PRDM11: variants seen among roughly 807,000 people sequenced by gnomAD.
PRDM11 encodes PR/SET domain 11.
Under a neutral mutation model 97.8 loss-of-function variants are expected in PRDM11, and 20 were observed. The observed-to-expected ratio is 0.20, with a 90% CI of 0.14 to 0.30. The LOEUF (loss-of-function observed/expected upper bound fraction) is 0.30. Ranked by LOEUF, PRDM11 falls within the 10% of genes least tolerant of loss-of-function variation. PRDM11 has a pLI of 1.00. For missense variants in PRDM11, 1,139 were observed against 1,555.2 expected, an observed-to-expected ratio of 0.73 and a Z score of 4.50; for synonymous variants, 599 against 637.7, an observed-to-expected ratio of 0.94 and a Z score of 0.91.
chr11:45,136,692 G>A (rs1177630031), intron 1 of PRDM11, among the ~76,000 whole-genome samples: 1 of 152,142 alleles, frequency 6.6e-6, no homozygotes, highest in African/African-American at 2.4e-5. Flanking sequence ...TATTAAAGAA[G>A]CACTGAGACC....
intron 4 of PRDM11, among the ~76,000 whole-genome samples, chr11:45,204,475 T>C (rs1170457231): frequency 6.6e-6 from 1 of 152,120 alleles, no homozygotes. Flanking sequence ...CTGAAGGGCT[T>C]TGTGTGTCTA....
At position 45,123,526 on chromosome 11, in the gene PRDM11, G is replaced by A. The variant is rs537961094; in HGVS notation, c.96+27625G>A. Among the ~76,000 whole-genome samples the A allele has an allele frequency of 2.5e-4, 38 of 152,178 alleles. 1 individual carries two copies. In the South Asian group the frequency reaches 7.5e-3, roughly 30 times the overall value. ...CATCTTGAATTAATTTTTGTATAAG[G>A]TGTAAGAAAGGGATCCAGTTTCAGC... On this transcript the variant is annotated intron_variant, in intron 1 of 6. Transcript: ENST00000530656.
chr11:45,195,639 T>A (rs1430898641), intron 4 of PRDM11, among the ~76,000 whole-genome samples: 2 of 152,082 alleles, frequency 1.3e-5, no homozygotes, highest in Non-Finnish European at 2.9e-5. Context: ...AGTAGCTCGA[T>A]CTTGGCTCAC....
At chr11:45,196,673 G>T (rs981146032) in intron 4 of PRDM11, among the ~76,000 whole-genome samples, 1 of 152,186 alleles carries the variant, frequency 6.6e-6, no homozygotes, top group Non-Finnish European at 1.5e-5. Context: ...TTCACCAGGA[G>T]CCTGCCTCCT....
At position 45,227,922 on chromosome 11, in the gene PRDM11, C is replaced by T. The variant is rs761608542; in HGVS notation, c.3297C>T (p.Arg1099=). 1.5e-5 allele frequency: 23 copies of T among 1,533,948 alleles called. 1 individual carries two copies. In the East Asian group the frequency reaches 5.6e-4, roughly 37 times the overall value. The change falls in exon 8 of 8, where the codon CGC becomes CGT. Residue 1099 remains arginine (R), a synonymous_variant. Transcript: ENST00000683152. The surrounding 1 kb of genome is among the most constrained non-coding windows in gnomAD (Gnocchi z 8.0). ...GCCGCAATGCCCTCCAGCGAGTTCG[C>T]AAAAACCACCGCTCCCGCCTGACCC... The part of the protein sequence containing the change: ...EKGRNALQRV[R]KNHRSRLTLE...
intron 6 of PRDM11, among the ~76,000 whole-genome samples, chr11:45,220,652 TC>T (rs142661494): frequency 0.013 from 1,980 of 152,238 alleles, 34 homozygotes; most frequent in African/African-American, 0.045. Flanking sequence ...ACAAAACCAG[TC>T]CCCTCCTGGG....
intron 1 of PRDM11, among the ~76,000 whole-genome samples, chr11:45,155,082 C>T (rs572098507): frequency 2.6e-5 from 4 of 152,244 alleles, no homozygotes; most frequent in Admixed American, 6.5e-5. Context: ...GAGTTGAGGG[C>T]GAGAGTGGGC....
chr11:45,199,789 A>G (rs960730552), intron 4 of PRDM11, among the ~76,000 whole-genome samples: 1 of 152,172 alleles, frequency 6.6e-6, no homozygotes, highest in African/African-American at 2.4e-5. Context: ...CATCAGTGGC[A>G]TGTAACGTGG....
At chr11:45,115,167 C>CTA (rs553546972) in intron 1 of PRDM11, among the ~76,000 whole-genome samples, 2 of 149,202 alleles carry the variant, frequency 1.3e-5, no homozygotes, top group African/African-American at 2.5e-5. Context: ...GTGTGTATGT[C>CTA]TATATATATA....
chr11:45,206,173 G>A (rs573216144), intron 5 of PRDM11, among the ~76,000 whole-genome samples: 20 of 152,272 alleles, frequency 1.3e-4, no homozygotes, highest in African/African-American at 4.1e-4. Context: ...GTACCAGGGT[G>A]GATCACCCAG....
At chr11:45,106,408 G>A (rs1852062647) in intron 1 of PRDM11, among the ~76,000 whole-genome samples, 1 of 152,166 alleles carries the variant, frequency 6.6e-6, no homozygotes, top group Non-Finnish European at 1.5e-5. Context: ...AGGCTGGGGT[G>A]ATTTTTGCTT....
intron 1 of PRDM11, among the ~76,000 whole-genome samples, chr11:45,096,245 T>C (rs767325432): frequency 7.9e-5 from 12 of 152,208 alleles, no homozygotes; most frequent in Non-Finnish European, 1.3e-4. Context: ...ACCTGGCACA[T>C]AGTAAATGCT....
chr11:45,116,128 A>G (rs1359859206), intron 1 of PRDM11, among the ~76,000 whole-genome samples: 1 of 152,190 alleles, frequency 6.6e-6, no homozygotes, highest in Non-Finnish European at 1.5e-5. Context: ...AATCACCTTC[A>G]ATATACATAA....
chr11:45,103,187 CT>C (rs1473006608), intron 1 of PRDM11, among the ~76,000 whole-genome samples: 1 of 152,210 alleles, frequency 6.6e-6, no homozygotes, highest in Non-Finnish European at 1.5e-5. Flanking sequence ...CAGCTTTCCC[CT>C]GCATCCCTCC....
At chr11:45,172,015 C>T (rs1852213834) in intron 1 of PRDM11, among the ~76,000 whole-genome samples, 1 of 152,172 alleles carries the variant, frequency 6.6e-6, no homozygotes, top group Non-Finnish European at 1.5e-5. Context: ...GTCATAAGTC[C>T]CAGGGGACTT....
chr11:45,212,682 C>G (rs1454797724), intron 5 of PRDM11: 1 of 456,484 alleles, frequency 2.2e-6, no homozygotes, highest in Admixed American at 2.3e-5. Context: ...CGGCCGCACC[C>G]CAGCCCACCC....
At chr11:45,137,164 AAAAC>A (rs374207641) in intron 1 of PRDM11, among the ~76,000 whole-genome samples, 35 of 148,242 alleles carry the variant, frequency 2.4e-4, no homozygotes, top group African/African-American at 7.0e-4. Context: ...CTCTGTCTCA[AAAAC>A]AAACAAACAA....
chr11:45,192,604 G>C (rs186481529), intron 4 of PRDM11, among the ~76,000 whole-genome samples: 22 of 152,266 alleles, frequency 1.4e-4, no homozygotes, highest in Admixed American at 1.4e-3. Context: ...GTACAGACCA[G>C]CTCCTAACCT....
At chr11:45,095,414 G>C (rs553332177), upstream of PRDM11, among the ~76,000 whole-genome samples, 3 of 152,284 alleles carry the variant, frequency 2.0e-5, no homozygotes, top group East Asian at 3.9e-4. Context: ...TCATCATGTT[G>C]GGGACAGGAG....
Sources: gnomAD v4.1 joint callset for allele counts (sites outside exome capture counted in the v4.1 genomes callset) on GRCh38, gnomAD v4.1.1 for gene constraint, Gnocchi (gnomAD v3.1) non-coding constraint, MANE v1.5 for transcripts, NCBI Gene and HGNC (gene_info 2026-07-23, HGNC 2026-07-21) for gene names.